Variants in TRPS1 observed in about 807,000 individuals in gnomAD.
TRPS1 encodes the protein transcriptional repressor GATA binding 1, also known as zinc finger transcription factor Trps1.
In TRPS1, 6 loss-of-function variants were observed where a neutral mutation model predicts 101.2. The ratio of observed to expected loss-of-function variants is 0.06; its 90% CI spans 0.03 to 0.12. The LOEUF is 0.12. TRPS1 is among the 10% of genes least tolerant of loss of function. The pLI, the probability that TRPS1 is intolerant of heterozygous loss-of-function variation, is 1.00. For synonymous variants in TRPS1, 578 were observed against 589.8 expected, an observed-to-expected ratio of 0.98 and a Z score of 0.29; for missense variants, 1,363 against 1,567.0, an observed-to-expected ratio of 0.87 and a Z score of 2.20.
intron 1 of TRPS1, among the ~76,000 whole-genome samples, chr8:115,626,503 T>C (rs903503481): frequency 3.3e-5 from 5 of 151,784 alleles, no homozygotes; most frequent in African/African-American, 1.2e-4. Flanking sequence ...CTTCGTAAAC[T>C]CAATGTCAGA....
intron 5 of TRPS1, among the ~76,000 whole-genome samples, chr8:115,443,060 C>T (rs1237310328): frequency 6.6e-6 from 1 of 151,778 alleles, no homozygotes; most frequent in Non-Finnish European, 1.5e-5. Context: ...CTTGCCACTG[C>T]ACTCCAGCCT....
chr8:115,635,361 TTTTGGGCAAATA>T (rs1402967035), intron 1 of TRPS1, among the ~76,000 whole-genome samples: 8 of 152,180 alleles, frequency 5.3e-5, no homozygotes, highest in African/African-American at 1.9e-4. Flanking sequence ...TAAATCCTAT[TTTTGGGCAAATA>T]TTGCAAACTG....
At chr8:115,567,839 C>T (rs1027823651) in intron 5 of TRPS1, among the ~76,000 whole-genome samples, 6 of 152,046 alleles carry the variant, frequency 3.9e-5, no homozygotes, top group Non-Finnish European at 2.9e-5. Context: ...TCTTTCAGGG[C>T]GTCTGTGTAG....
chr8:115,441,332 C>T (rs147427508), intron 5 of TRPS1, among the ~76,000 whole-genome samples: 5 of 152,240 alleles, frequency 3.3e-5, no homozygotes, highest in East Asian at 1.9e-4. Flanking sequence ...ATAAAACTTA[C>T]GGCGCTCTTA....
At chr8:115,497,718 T>C (rs1007869672) in intron 5 of TRPS1, among the ~76,000 whole-genome samples, 1 of 152,206 alleles carries the variant, frequency 6.6e-6, no homozygotes, top group Non-Finnish European at 1.5e-5. Flanking sequence ...GACCCTCTAC[T>C]TGCCCAATTT....
At chr8:115,507,855 G>T (rs145027085) in intron 5 of TRPS1, among the ~76,000 whole-genome samples, 1,822 of 152,094 alleles carry the variant, frequency 0.012, 39 homozygotes, top group South Asian at 0.046. Context: ...CTTCTGCCTA[G>T]GCTGAGAATC....
intron 5 of TRPS1, among the ~76,000 whole-genome samples, chr8:115,555,872 A>C (rs536780496): frequency 0.03 from 4,319 of 142,338 alleles, 94 homozygotes; most frequent in Non-Finnish European, 0.044. Flanking sequence ...AACAAACAAA[A>C]AAAAAAGCCA....
chr8:115,604,871 A>G lies in TRPS1; in HGVS notation c.1098T>C (p.His366=). Residue 366 remains histidine (H), a synonymous_variant, in exon 4 of 7, where the codon CAT becomes CAC. Transcript: ENST00000395715. The surrounding 1 kb of genome is among the most constrained non-coding windows in gnomAD (Gnocchi z 4.1). Reference sequence around the variant, plus strand: ...TTTTGTTTGGGTGAGTCTGAAGAAAATGTTGTTCTAATTCGGTGGATGAGT... The same window carrying G: ...TTTTGTTTGGGTGAGTCTGAAGAAAGTGTTGTTCTAATTCGGTGGATGAGT... ...MGNSSTELEQ[H]FLQTHPNKIK... The G allele has an allele frequency of 6.2e-7, 1 of 1,614,044 alleles. No homozygotes were observed. Among genetic ancestry groups the G allele is most frequent in the South Asian group, 1.1e-5 (1 of 91,080 alleles).
intron 5 of TRPS1, among the ~76,000 whole-genome samples, chr8:115,498,409 CTCTCTCTATA>C (rs1374682246): frequency 4.1e-4 from 33 of 80,932 alleles, no homozygotes; most frequent in Admixed American, 5.4e-4. Flanking sequence ...CTCTCTCTCT[CTCTCTCTATA>C]TATATATATA....
chr8:115,636,668 C>T lies in TRPS1; in HGVS notation c.-121-12910G>A, dbSNP rs191498341. On this transcript the variant is annotated intron_variant, in intron 1 of 6. Coordinates refer to ENST00000395715, the MANE Select transcript of TRPS1 (RefSeq NM_014112.5). ...GTGGCTCACGCCTTTAACCCCAACA[C>T]TTTGGGAGCCTGAGGCAGGAGGATA... Among the ~76,000 whole-genome samples, 872 of 152,314 alleles carry T rather than the reference C, an allele frequency of 5.7e-3. 5 individuals are homozygous for T. The highest frequency in any genetic ancestry group is 0.04 in the South Asian group (192 of 4,832).
chr8:115,475,306 T>TA (rs1814577851), intron 5 of TRPS1, among the ~76,000 whole-genome samples: 1 of 118,562 alleles, frequency 8.4e-6, no homozygotes, highest in Non-Finnish European at 1.7e-5. Flanking sequence ...ATATATATAT[T>TA]TGTTATCAGG....
intron 5 of TRPS1, among the ~76,000 whole-genome samples, chr8:115,543,893 C>T (rs1816511948): frequency 6.6e-6 from 1 of 152,020 alleles, no homozygotes. Context: ...GTTCGATGCT[C>T]ATGTCTGTTT....
chr8:115,622,740 A>G (rs976203637), intron 2 of TRPS1, among the ~76,000 whole-genome samples: 1 of 152,182 alleles, frequency 6.6e-6, no homozygotes, highest in African/African-American at 2.4e-5. Context: ...AAAGATAAAA[A>G]TCCTATATCA....
rs755061255 is a variant in TRPS1, at chr8:115,620,150, T to A, written c.38-90A>T. The A allele has an allele frequency of 4.4e-5, 59 of 1,344,970 alleles. No individual in the cohort carries two copies. The African/African-American group carries it at 7.8e-4, about 18-fold the overall frequency. 83.3% of individuals were successfully genotyped at this position (1,344,970 alleles called of 1,614,324 possible). A position where few individuals can be genotyped will look rare whatever the true frequency, so the allele number is the denominator to read the frequency against. ...CTGGAATATTTTACTTATGTGAGTT[T>A]TTTAAGGTGCATAATCAAATGCTTC... is the stretch of plus-strand genomic sequence containing the variant. On this transcript the variant is annotated intron_variant, in intron 2 of 6. Coordinates refer to ENST00000395715, the MANE Select transcript of TRPS1 (RefSeq NM_014112.5).
At chr8:115,499,501 A>T (rs1815248068) in intron 5 of TRPS1, among the ~76,000 whole-genome samples, 1 of 152,132 alleles carries the variant, frequency 6.6e-6, no homozygotes, top group Non-Finnish European at 1.5e-5. Flanking sequence ...TGAAGACAAA[A>T]TCTTCTTTTT....
chr8:115,542,677 A>T (rs1816482377), intron 5 of TRPS1, among the ~76,000 whole-genome samples: 1 of 152,032 alleles, frequency 6.6e-6, no homozygotes, highest in Non-Finnish European at 1.5e-5. Context: ...CCATGGCAAG[A>T]CTCTTAACTT....
rs1171869387 is a variant in TRPS1 at position 115,418,805 on chromosome 8, T to A, written c.2701-353A>T. Among the ~76,000 whole-genome samples the A allele has an allele frequency of 3.3e-5, 5 of 152,200 alleles. No homozygotes were observed. The highest frequency in any genetic ancestry group is 7.3e-5 in the Non-Finnish European group (5 of 68,042). ...GTCAAAAAGACAGAACATGGCAATA[T>A]GTTTAATACACTTTGGAAAGGAGGA... On this transcript the variant is annotated intron_variant, in intron 5 of 6. Transcript: ENST00000395715. The surrounding 1 kb of genome is among the most constrained non-coding windows in gnomAD (Gnocchi z 4.3).
At chr8:115,464,571 C>T (rs1814271978) in intron 5 of TRPS1, among the ~76,000 whole-genome samples, 1 of 152,108 alleles carries the variant, frequency 6.6e-6, no homozygotes, top group South Asian at 2.1e-4. Flanking sequence ...ACAAATGTCA[C>T]ATTTACTTCC....
intron 5 of TRPS1, among the ~76,000 whole-genome samples, chr8:115,570,644 C>T (rs1817179023): frequency 6.6e-6 from 1 of 151,194 alleles, no homozygotes; most frequent in Admixed American, 6.7e-5. Flanking sequence ...TGTCTAAAAG[C>T]TCCTTGCTTT....
Sources: allele counts gnomAD v4.1 joint callset (sites outside exome capture counted in the v4.1 genomes callset), GRCh38; gene constraint gnomAD v4.1.1; non-coding constraint Gnocchi (gnomAD v3.1); transcripts MANE v1.5; gene names NCBI Gene and HGNC (gene_info 2026-07-23, HGNC 2026-07-21).